KCNN2: variants seen among roughly 807,000 people sequenced by gnomAD.
KCNN2 encodes small conductance calcium-activated potassium channel protein 2.
A neutral mutation model predicts 55.5 loss-of-function variants in KCNN2; 24 were observed. The ratio of observed to expected loss-of-function variants is 0.43; its 90% CI spans 0.31 to 0.61. The LOEUF is 0.61. Among genes scored for constraint, KCNN2 ranks in the 20% least tolerant of loss-of-function variants. The pLI is 0.08. For missense variants in KCNN2, 754 were observed against 853.6 expected (o/e 0.88, Z 1.45); for synonymous variants, 431 against 336.1 (o/e 1.28, Z -3.09).
chr5:114,176,969 G>GT (rs549401847), intron 1 of KCNN2, among the ~76,000 whole-genome samples: 8 of 151,220 alleles, frequency 5.3e-5, no homozygotes, highest in East Asian at 1.9e-4. Context: ...AGGAGGAACA[G>GT]TTTTTTTTTA....
At chr5:114,114,041 T>C (rs1296443527) in intron 1 of KCNN2, among the ~76,000 whole-genome samples, 1 of 152,126 alleles carries the variant, frequency 6.6e-6, no homozygotes. Context: ...TAAACAACTC[T>C]AGCCAACTGT....
rs996985196 is a variant in KCNN2 at position 114,479,984 on chromosome 5, A to AAGAT, written c.1890+6823_1890+6826dup. On this transcript the variant is annotated intron_variant, in intron 5 of 7. Transcript: ENST00000673685. ...GAGAACCAAGAACAAACAAACCCCA[A>AAGAT]AGATAGCAGAAGACAAGAAATAACC... Among the ~76,000 whole-genome samples, 20 of 152,254 alleles carry AAGAT rather than the reference A, an allele frequency of 1.3e-4. 2 individuals carry two copies. Among genetic ancestry groups the AAGAT allele is most frequent in the African/African-American group, 4.8e-4 (20 of 41,566 alleles).
chr5:114,098,329 TACC>T (rs1751305171), intron 1 of KCNN2, among the ~76,000 whole-genome samples: 1 of 152,078 alleles, frequency 6.6e-6, no homozygotes, highest in African/African-American at 2.4e-5. Flanking sequence ...TTGTTTGGTC[TACC>T]ACAGGGGTCC....
chr5:114,139,308 G>A (rs1752228577), intron 1 of KCNN2, among the ~76,000 whole-genome samples: 1 of 152,008 alleles, frequency 6.6e-6, no homozygotes, highest in Non-Finnish European at 1.5e-5. Context: ...GAGATTTGGA[G>A]TGGAAAAATT....
intron 1 of KCNN2, among the ~76,000 whole-genome samples, chr5:114,111,272 A>T (rs1751590682): frequency 6.6e-6 from 1 of 152,132 alleles, no homozygotes; most frequent in South Asian, 2.1e-4. Flanking sequence ...AAAACAGGCT[A>T]GCCATATGTA....
At chr5:114,195,096 A>T (rs1164774919) in intron 1 of KCNN2, among the ~76,000 whole-genome samples, 1 of 151,812 alleles carries the variant, frequency 6.6e-6, no homozygotes, top group African/African-American at 2.4e-5. Context: ...ACTGTAGCTG[A>T]GTAGTAAATT....
chr5:114,085,302 G>A (rs1395711608), intron 1 of KCNN2, among the ~76,000 whole-genome samples: 1 of 151,902 alleles, frequency 6.6e-6, no homozygotes, highest in East Asian at 1.9e-4. Flanking sequence ...TATGGGGCAA[G>A]TTGGGAATAA....
At chr5:114,387,617 A>T (rs1016032597) in intron 2 of KCNN2, among the ~76,000 whole-genome samples, 1 of 152,164 alleles carries the variant, frequency 6.6e-6, no homozygotes, top group Non-Finnish European at 1.5e-5. Flanking sequence ...CCAGTTGCTA[A>T]GGCTCTGAGC....
intron 1 of KCNN2, among the ~76,000 whole-genome samples, chr5:114,100,751 T>G (rs950481215): frequency 1.3e-5 from 2 of 152,044 alleles, no homozygotes; most frequent in Admixed American, 1.3e-4. Context: ...AGGAGAAGTA[T>G]AAGCCAAGCC....
chr5:114,485,178 T>G (rs1457663585), intron 5 of KCNN2, among the ~76,000 whole-genome samples: 1 of 152,334 alleles, frequency 6.6e-6, no homozygotes, highest in Middle Eastern at 3.4e-3. Context: ...GCTGTGTTTC[T>G]GACCCATTGG....
At chr5:114,252,322 A>G (rs923549163) in intron 2 of KCNN2, among the ~76,000 whole-genome samples, 2 of 152,216 alleles carry the variant, frequency 1.3e-5, no homozygotes, top group South Asian at 2.1e-4. Context: ...ATACAGAGAA[A>G]CTTATATGAA....
At chr5:114,407,389 A>G (rs1022688396) in intron 3 of KCNN2, among the ~76,000 whole-genome samples, 2 of 151,982 alleles carry the variant, frequency 1.3e-5, no homozygotes, top group African/African-American at 2.4e-5. Context: ...TGTATTGTGT[A>G]TTAATTTCCA....
intron 4 of KCNN2, among the ~76,000 whole-genome samples, chr5:114,469,201 G>A (rs953571221): frequency 4.6e-5 from 7 of 152,092 alleles, no homozygotes; most frequent in African/African-American, 4.8e-5. Context: ...GGTAGTAAAC[G>A]TTAACAACAC....
At chr5:114,363,649 C>A (rs1217601062) in intron 1 of KCNN2, among the ~76,000 whole-genome samples, 4 of 152,180 alleles carry the variant, frequency 2.6e-5, no homozygotes, top group Non-Finnish European at 5.9e-5. Context: ...CAGCGGCGCT[C>A]GCTTCGGTCC....
At chr5:114,061,172 G>T (rs1230949548) in intron 1 of KCNN2, among the ~76,000 whole-genome samples, 2 of 152,170 alleles carry the variant, frequency 1.3e-5, no homozygotes, top group Non-Finnish European at 2.9e-5. Flanking sequence ...CACAGTCTCT[G>T]CTTTCAAGGA....
chr5:114,465,081 C>CCAAT (rs1394798063), intron 4 of KCNN2, among the ~76,000 whole-genome samples: 1 of 152,096 alleles, frequency 6.6e-6, no homozygotes, highest in African/African-American at 2.4e-5. Context: ...CTTTTATTCT[C>CCAAT]CAATCAGGTG....
At chr5:114,135,946 C>T (rs865784700) in intron 1 of KCNN2, among the ~76,000 whole-genome samples, 18 of 151,936 alleles carry the variant, frequency 1.2e-4, no homozygotes, top group African/African-American at 4.4e-4. Flanking sequence ...TGGAAAGATA[C>T]TGTCTGAAAA....
intron 1 of KCNN2, among the ~76,000 whole-genome samples, chr5:114,094,254 C>T (rs1384119201): frequency 6.6e-6 from 1 of 152,104 alleles, no homozygotes; most frequent in Non-Finnish European, 1.5e-5. Context: ...CCCTCAAGGC[C>T]AGATTCTGTT....
intron 2 of KCNN2, among the ~76,000 whole-genome samples, chr5:114,315,449 G>C (rs1212420869): frequency 3.6e-5 from 4 of 112,340 alleles, no homozygotes; most frequent in African/African-American, 1.3e-4. Flanking sequence ...GTGTGTGTGT[G>C]TGTGTGTGTG....
Sources: allele counts gnomAD v4.1 joint callset (sites outside exome capture counted in the v4.1 genomes callset), GRCh38; gene constraint gnomAD v4.1.1; transcripts MANE v1.5; gene names NCBI Gene and HGNC (gene_info 2026-07-23, HGNC 2026-07-21).